FRMD6: variants seen among roughly 807,000 people sequenced by gnomAD.
FRMD6 encodes FERM domain-containing protein 6.
In FRMD6, 37 loss-of-function variants were observed where a neutral mutation model predicts 73.2. That is an observed-to-expected ratio of 0.51 (90% CI 0.39 to 0.66). FRMD6 has a LOEUF of 0.66. Among genes scored for constraint, FRMD6 ranks in the 30% least tolerant of loss-of-function variants. The probability of loss-of-function intolerance (pLI) is 0.00; values close to 1 mark genes in which losing one functional copy is unlikely to be tolerated. For missense variants in FRMD6, 714 were observed against 780.5 expected (o/e 0.91, Z 1.02); for synonymous variants, 273 against 282.2 (o/e 0.97, Z 0.33).
intron 1 of FRMD6, among the ~76,000 whole-genome samples, chr14:51,535,522 C>A (rs1478475120): frequency 1.3e-5 from 2 of 152,166 alleles, no homozygotes; most frequent in Non-Finnish European, 1.5e-5. Context: ...AAAATATTTT[C>A]AAGGATTATC....
At chr14:51,524,324 G>A (rs1295988179) in intron 1 of FRMD6, among the ~76,000 whole-genome samples, 2 of 151,828 alleles carry the variant, frequency 1.3e-5, no homozygotes, top group African/African-American at 4.8e-5. Flanking sequence ...TTAGCATAGT[G>A]CCAAAACATA....
At chr14:51,672,539 C>T (rs1894083056) in intron 1 of FRMD6, among the ~76,000 whole-genome samples, 1 of 152,144 alleles carries the variant, frequency 6.6e-6, no homozygotes, top group Non-Finnish European at 1.5e-5. Flanking sequence ...TGGTTAAATT[C>T]CCAGGACCCT....
At position 51,730,404 on chromosome 14, in the gene FRMD6, C is replaced by T. The variant is rs568765354; in HGVS notation, c.*2375C>T. 3.7e-4 allele frequency: 56 copies of T among 152,136 alleles called. No individual in the cohort carries two copies. Among genetic ancestry groups the T allele is most frequent in the African/African-American group, 1.2e-3 (50 of 41,508 alleles). The allele number at this position is 152,136 out of a possible 1,614,324, so 9.4% of individuals were successfully genotyped here. On this transcript the variant is annotated 3_prime_UTR_variant, in exon 14 of 14. Transcript: ENST00000344768. ...TAGGAAAAATCCACTTTGAATAATC[C>T]ATGTTTTGTATTTGGAAATTGTTTT...
chr14:51,550,690 GA>G (rs1886774959), intron 1 of FRMD6, among the ~76,000 whole-genome samples: 1 of 152,080 alleles, frequency 6.6e-6, no homozygotes, highest in Non-Finnish European at 1.5e-5. Flanking sequence ...CATGAAATCA[GA>G]AAACCTTGAT....
At chr14:51,689,340 T>A (rs1895387450) in intron 1 of FRMD6, among the ~76,000 whole-genome samples, 1 of 152,230 alleles carries the variant, frequency 6.6e-6, no homozygotes, top group Non-Finnish European at 1.5e-5. Context: ...ATTGCTGTTG[T>A]TTTTGCCATT....
intron 1 of FRMD6, among the ~76,000 whole-genome samples, chr14:51,494,479 C>T (rs1039437971): frequency 1.3e-5 from 2 of 152,232 alleles, no homozygotes; most frequent in Non-Finnish European, 2.9e-5. Context: ...TGGCTTGATG[C>T]TGTGCCCTCC....
the FRMD6 span, among the ~76,000 whole-genome samples, chr14:51,414,994 CT>C: frequency 6.6e-6 from 1 of 152,142 alleles, no homozygotes; most frequent in East Asian, 1.9e-4. Context: ...TTTCTGCACT[CT>C]GATTTTGTAT....
the FRMD6 span, among the ~76,000 whole-genome samples, chr14:51,427,145 A>G: frequency 6.6e-6 from 1 of 152,234 alleles, no homozygotes; most frequent in Non-Finnish European, 1.5e-5. Context: ...TTTTATTAGC[A>G]GAACTTATAG....
At chr14:51,708,021 G>GT in intron 6 of FRMD6, 57 bp from the exon 7 acceptor site, 1 of 1,543,724 alleles carries the variant, frequency 6.5e-7, no homozygotes, top group Admixed American at 1.7e-5. Context: ...GGGGGTGGGG[G>GT]TAGAACTTAC....
At chr14:51,530,407 A>C (rs1440648205) in intron 1 of FRMD6, among the ~76,000 whole-genome samples, 1 of 152,246 alleles carries the variant, frequency 6.6e-6, no homozygotes, top group African/African-American at 2.4e-5. Flanking sequence ...TAACAGGTAG[A>C]TATTAATAAG....
the FRMD6 span, among the ~76,000 whole-genome samples, chr14:51,400,789 A>G: frequency 1.3e-5 from 2 of 152,318 alleles, no homozygotes; most frequent in South Asian, 4.2e-4. Flanking sequence ...GCATTAGACA[A>G]AAGTTTATTA....
the FRMD6 span, chr14:51,396,942 G>A: frequency 3.3e-5 from 5 of 152,182 alleles, no homozygotes; most frequent in Admixed American, 3.3e-4. Context: ...AAATGTTAAG[G>A]CACACCATGC....
the FRMD6 span, among the ~76,000 whole-genome samples, chr14:51,431,038 A>AT: frequency 3.9e-5 from 6 of 152,200 alleles, no homozygotes; most frequent in Admixed American, 3.9e-4. Flanking sequence ...GTATATGCTG[A>AT]TTTTAAAGTC....
intron 1 of FRMD6, among the ~76,000 whole-genome samples, chr14:51,500,005 G>C (rs1462767700): frequency 6.6e-6 from 1 of 152,272 alleles, no homozygotes; most frequent in East Asian, 1.9e-4. Context: ...CTAACGTGGT[G>C]GAGAACACAT....
At chr14:51,599,022 G>C (rs1247242000) in intron 2 of FRMD6, among the ~76,000 whole-genome samples, 1 of 138,314 alleles carries the variant, frequency 7.2e-6, no homozygotes, top group African/African-American at 2.7e-5. Flanking sequence ...CAGTGTATAA[G>C]CATTCACTTT....
At chr14:51,585,939 G>GTGTGTGTGTGTGTGTGTGTGTGTGTA in intron 2 of FRMD6, among the ~76,000 whole-genome samples, 29 of 31,414 alleles carry the variant, frequency 9.2e-4, no homozygotes, top group African/African-American at 2.0e-3. Flanking sequence ...GTGTGTGTGT[G>GTGTGTGTGTGTGTGTGTGTGTGTGTA]TATATATATA....
chr14:51,553,475 T>A (rs1248636873), intron 1 of FRMD6, among the ~76,000 whole-genome samples: 1 of 152,226 alleles, frequency 6.6e-6, no homozygotes, highest in Non-Finnish European at 1.5e-5. Flanking sequence ...TAGTCATATT[T>A]ATTATTGAGC....
rs771291997 is a variant in FRMD6 at position 51,728,014 on chromosome 14, A to G, written c.1854A>G (p.Pro618=). 6.2e-7 allele frequency: 1 copy of G among 1,609,618 alleles called. No individual in the cohort carries two copies. Among genetic ancestry groups the G allele is most frequent in the South Asian group, 1.1e-5 (1 of 90,980 alleles). The change falls in exon 14 of 14, where the codon CCA becomes CCG. Residue 618 remains proline, a synonymous_variant. Coordinates refer to ENST00000344768, the MANE Select transcript of FRMD6 (RefSeq NM_001267046.2). The stretch of plus-strand genomic sequence containing the variant: ...TGGATCTCACTCATGATGAAGTTCC[A>G]GAGTTTGTTGTGTAAAGTCCGTCTG... The part of the protein sequence containing the change: ...FSLDLTHDEV[P]EFVV
chr14:51,587,007 T>G (rs1406174655), intron 2 of FRMD6, among the ~76,000 whole-genome samples: 3 of 152,184 alleles, frequency 2.0e-5, no homozygotes, highest in Non-Finnish European at 4.4e-5. Flanking sequence ...CCTCCTGCCT[T>G]GGCCTCTCAA....
Sources: gnomAD v4.1 joint callset for allele counts (sites outside exome capture counted in the v4.1 genomes callset) on GRCh38, gnomAD v4.1.1 for gene constraint, MANE v1.5 for transcripts, NCBI Gene and HGNC (gene_info 2026-07-23, HGNC 2026-07-21) for gene names.